Variants in SHC1 observed in about 807,000 individuals in gnomAD.
SHC1 encodes the protein SHC adaptor protein 1, also known as SHC-transforming protein 1.
In SHC1, 30 loss-of-function variants were observed where a neutral mutation model predicts 55.9. The ratio of observed to expected loss-of-function variants is 0.54; its 90% confidence interval spans 0.40 to 0.73. The LOEUF (loss-of-function observed/expected upper bound fraction) is 0.73. SHC1 is among the 30% of genes least tolerant of loss of function. The pLI is 0.00. For missense variants in SHC1, 675 were observed against 777.1 expected (o/e 0.87, Z 1.56); for synonymous variants, 309 against 306.1 (o/e 1.01, Z -0.10).
chr1:154,970,880 A>G (rs55692044), upstream of SHC1: 1,315 of 189,668 alleles, frequency 6.9e-3, 9 homozygotes, highest in Non-Finnish European at 0.011. This position sits in a 1 kb window ranked among gnomAD's most constrained non-coding sequence, Gnocchi z 5.5. Context: ...CCCCGCCCCA[A>G]CCTCGAACTG....
Position 154,962,736 on chromosome 1 carries a change from AATTG to A in SHC1, c.*1063_*1066del, listed in dbSNP as rs1655471483. 3 of 152,790 alleles carry A rather than the reference AATTG, an allele frequency of 2.0e-5. No homozygotes were observed. The South Asian group carries it at 6.2e-4, about 32-fold the overall frequency. The allele number at this position is 152,790 out of a possible 1,614,324, so 9.5% of individuals were successfully genotyped here. Reference sequence around the variant, plus strand: ...CAAAAAGGTGATGTATAAATGTAATAATTGATTATCATTTTGTGCTCAAGAATAA... The same window carrying A: ...CAAAAAGGTGATGTATAAATGTAATAATTATCATTTTGTGCTCAAGAATAA... On this transcript the variant is annotated 3_prime_UTR_variant, in exon 12 of 12. Coordinates refer to ENST00000448116, the MANE Select transcript of SHC1 (RefSeq NM_001130040.2).
Position 154,966,144 on chromosome 1 carries a change from T to C in SHC1, c.1252+18A>G. On this transcript the variant is annotated intron_variant, in intron 9 of 11. Coordinates refer to ENST00000448116, the MANE Select transcript of SHC1 (RefSeq NM_001130040.2). ...CTCCAACACTCCCCAGCTCTGCCTA[T>C]CTCGGCTCCCTTCATACCTGGACAG... 1 of 1,614,134 alleles carries C rather than the reference T, an allele frequency of 6.2e-7. No homozygotes were observed. The highest frequency in any genetic ancestry group is 8.5e-7 in the Non-Finnish European group (1 of 1,179,998).
At position 154,970,323 on chromosome 1, in the gene SHC1, C is replaced by T; in HGVS notation, c.204G>A (p.Leu68=). ...GCCCCCCAGCCGGGTTGGCCAGCCT[C>T]AGGTTGCTCATCCGGGGGAAGAAGG... ...LCSFFPRMSN[L]RLANPAGGRP... Residue 68 remains leucine (L), a synonymous_variant, in exon 1 of 12, where the codon CTG becomes CTA. Transcript: ENST00000448116. This position sits in a 1 kb window ranked among gnomAD's most constrained non-coding sequence, Gnocchi z 5.5. 1 of 1,605,956 alleles carries T rather than the reference C, an allele frequency of 6.2e-7. No individual in the cohort carries two copies. Among genetic ancestry groups the T allele is most frequent in the Non-Finnish European group, 8.5e-7 (1 of 1,175,668 alleles).
chr1:154,970,601 A>G lies in SHC1; in HGVS notation c.-75T>C. On this transcript the variant is annotated 5_prime_UTR_variant, in exon 1 of 12. Coordinates refer to ENST00000448116, the MANE Select transcript of SHC1 (RefSeq NM_001130040.2). This position sits in a 1 kb window ranked among gnomAD's most constrained non-coding sequence, Gnocchi z 5.5. Reference sequence around the variant, plus strand: ...TGGGCAAGGGGGCCAGGCAGGGGGTATCCCCAGGCCCTTAGCCTGGTTGGA... The same window carrying G: ...TGGGCAAGGGGGCCAGGCAGGGGGTGTCCCCAGGCCCTTAGCCTGGTTGGA... The G allele has an allele frequency of 1.0e-6, 1 of 1,002,152 alleles. No homozygotes were observed. The highest frequency in any genetic ancestry group is 1.5e-6 in the Non-Finnish European group (1 of 666,966). The allele number at this position is 1,002,152 out of a possible 1,614,324, so 62.1% of individuals were successfully genotyped here.
chr1:154,966,387 C>T lies in SHC1; in HGVS notation c.1114G>A (p.Ala372Thr). Residue 372 changes from alanine (A) to threonine (T), a missense_variant, in exon 8 of 12, where the codon GCC becomes ACC. Physicochemically the swap from Ala to Thr is moderately conservative, Grantham distance 58 (BLOSUM62 0). Coordinates refer to ENST00000448116, the MANE Select transcript of SHC1 (RefSeq NM_001130040.2). ...GTGGGTCGAGCAGCCCCTGGAGCGG[C>T]TCCTTCCCGAAGCCTCATGTCTACC... ...GVVDMRLREG[A>T]APGAARPTAP... The T allele has an allele frequency of 6.2e-7, 1 of 1,614,138 alleles. No individual in the cohort carries two copies. Among genetic ancestry groups the T allele is most frequent in the Non-Finnish European group, 8.5e-7 (1 of 1,179,988 alleles).
At chr1:154,969,481 C>T (rs1438113811) in intron 1 of SHC1, 33 bp from the exon 2 acceptor site, 15 of 1,464,098 alleles carry the variant, frequency 1.0e-5, no homozygotes, top group Non-Finnish European at 1.4e-5. Flanking sequence ...AGCAGGTCAG[C>T]GGCTCCCCCA....
chr1:154,969,348 A>T, intron 2 of SHC1, 30 bp downstream of exon 2: 3 of 1,517,838 alleles, frequency 2.0e-6, no homozygotes, highest in Non-Finnish European at 2.7e-6. Flanking sequence ...TAATCCCAGG[A>T]CTCCCACAAT....
chr1:154,971,631 T>C (rs1656758562), upstream of SHC1, among the ~76,000 whole-genome samples: 1 of 152,084 alleles, frequency 6.6e-6, no homozygotes, highest in Admixed American at 6.5e-5. Context: ...TCCCTCCTCT[T>C]ACAGGGCCCT....
chr1:154,967,449 A>G (rs1656146299), intron 7 of SHC1, among the ~76,000 whole-genome samples: 2 of 152,210 alleles, frequency 1.3e-5, no homozygotes, highest in Admixed American at 6.5e-5. Flanking sequence ...GCCCCGGACT[A>G]CAACTCCACC....
In SHC1 at chr1:154,962,711, C is replaced by A. The variant is rs1163087422; in HGVS notation, c.*1092G>T. The A allele has an allele frequency of 1.3e-5, 2 of 152,508 alleles. No homozygotes were observed. The highest frequency in any genetic ancestry group is 1.3e-4 in the Admixed American group (2 of 15,280). 9.4% of individuals were successfully genotyped at this position (152,508 alleles called of 1,614,324 possible). A position where few individuals can be genotyped will look rare whatever the true frequency, so the allele number is the denominator to read the frequency against. ...GAGCTGTAAAAGGGCTTGGAAAAGTCAAAAAGGTGATGTATAAATGTAATA... is the reference window on the plus strand; with the variant it reads ...GAGCTGTAAAAGGGCTTGGAAAAGTAAAAAAGGTGATGTATAAATGTAATA... On this transcript the variant is annotated 3_prime_UTR_variant, in exon 12 of 12. Transcript: ENST00000448116.
At chr1:154,971,111 TG>T (rs1242221278), upstream of SHC1, among the ~76,000 whole-genome samples, 1 of 151,988 alleles carries the variant, frequency 6.6e-6, no homozygotes, top group Non-Finnish European at 1.5e-5. Flanking sequence ...CAGAGGCAGC[TG>T]GGGGTGGAAA....
At chr1:154,971,881 C>T (rs1476058968), upstream of SHC1, among the ~76,000 whole-genome samples, 3 of 151,734 alleles carry the variant, frequency 2.0e-5, no homozygotes, top group South Asian at 2.1e-4. Context: ...CTGCCACCCA[C>T]GGCTTCCTGC....
In SHC1 at chr1:154,970,214, G is replaced by A. The variant is rs776549973; in HGVS notation, c.313C>T (p.Leu105=). 6.2e-7 allele frequency: 1 copy of A among 1,613,690 alleles called. No individual in the cohort carries two copies. Among genetic ancestry groups the A allele is most frequent in the Non-Finnish European group, 8.5e-7 (1 of 1,179,858 alleles). Residue 105 remains leucine, a synonymous_variant, in exon 1 of 12, where the codon CTA becomes TTA. Coordinates refer to ENST00000448116, the MANE Select transcript of SHC1 (RefSeq NM_001130040.2). The surrounding 1 kb of genome is among the most constrained non-coding windows in gnomAD (Gnocchi z 5.5). ...TTGTTCATGTCCTGGAGGAGGGGTA[G>A]GGGGCCTGAGTCTGGCATGGCTGCC... ...VGAAMPDSGP[L]PLLQDMNKLS... is the part of the protein sequence containing the mutation.
Position 154,962,301 on chromosome 1 carries a change from A to T in SHC1, c.*1502T>A, listed in dbSNP as rs2102001763. The stretch of plus-strand genomic sequence containing the variant: ...CAGAAGGGTTAAGAGGCAGAGGTAG[A>T]AGAAATACGGACTTTAATGAAGAGT... On this transcript the variant is annotated 3_prime_UTR_variant, in exon 12 of 12. Transcript: ENST00000448116. 6.5e-6 allele frequency: 1 copy of T among 152,932 alleles called. No individual in the cohort carries two copies. The highest frequency in any genetic ancestry group is 1.9e-4 in the East Asian group (1 of 5,316). The allele number at this position is 152,932 out of a possible 1,614,324, so 9.5% of individuals were successfully genotyped here.
chr1:154,964,205 A>G, intron 11 of SHC1: 1 of 549,334 alleles, frequency 1.8e-6, no homozygotes, highest in Non-Finnish European at 3.6e-6. Flanking sequence ...GACCTGGAGG[A>G]AGTTGGCATG....
At position 154,970,420 on chromosome 1, in the gene SHC1, GA is replaced by G; in HGVS notation, c.106del (p.Ser36ProfsTer30). The G allele has an allele frequency of 6.2e-7, 1 of 1,606,870 alleles. No individual in the cohort carries two copies. Among genetic ancestry groups the G allele is most frequent in the Admixed American group, 1.7e-5 (1 of 58,942 alleles). ...GGGCCCCAGGGATGAAGCTGATGGG[GA>G]AGGCAGCTCCTCCGGGGGGGTGGAC... Reference protein sequence around the residue: ...SGSTPPEELPSPSASSLGPIL... With the variant: ...SGSTPPEELPXPSASSLGPIL... On this transcript the variant is annotated frameshift_variant, in exon 1 of 12. Transcript: ENST00000448116. LOFTEE classifies it high-confidence loss of function. This position sits in a 1 kb window ranked among gnomAD's most constrained non-coding sequence, Gnocchi z 5.5.
In SHC1 at chr1:154,966,493, T is replaced by C. The variant is rs1427502264; in HGVS notation, c.1008A>G (p.Ala336=). The C allele has an allele frequency of 1.2e-6, 2 of 1,602,652 alleles. No homozygotes were observed. The highest frequency in any genetic ancestry group is 1.7e-6 in the Non-Finnish European group (2 of 1,173,444). Residue 336 remains alanine (A), a synonymous_variant, in exon 8 of 12, where the codon GCA becomes GCG. Transcript: ENST00000448116. Reference sequence around the variant, plus strand: ...GTGGCTCTTCCTCCTCCTCATCCCATGCTGAGCCATCAAAGCCAGCCATCC... The same window carrying C: ...GTGGCTCTTCCTCCTCCTCATCCCACGCTGAGCCATCAAAGCCAGCCATCC... ...HDRMAGFDGS[A]WDEEEEEPPD...
Position 154,965,987 on chromosome 1 carries a change from G to C in SHC1, c.1346C>G (p.Pro449Arg). 6.2e-7 allele frequency: 1 copy of C among 1,614,002 alleles called. No homozygotes were observed. Among genetic ancestry groups the C allele is most frequent in the South Asian group, 1.1e-5 (1 of 91,062 alleles). The part of the protein sequence containing the change: ...QAVGGAGPPN[P>R]AINGSAPRDL... ...CCGGGGTGCACTGCCATTGATAGCA[G>C]GATTGGGGGGCCCAGCACCACCCAC... Residue 449 changes from proline (P) to arginine (R), a missense_variant, in exon 10 of 12, where the codon CCT becomes CGT. By Grantham distance (103) the Pro-to-Arg change is moderately radical (BLOSUM62 -2). Coordinates refer to ENST00000448116, the MANE Select transcript of SHC1 (RefSeq NM_001130040.2).
chr1:154,963,716 A>G lies in SHC1; in HGVS notation c.*87T>C. On this transcript the variant is annotated 3_prime_UTR_variant, in exon 12 of 12. Coordinates refer to ENST00000448116, the MANE Select transcript of SHC1 (RefSeq NM_001130040.2). Reference sequence around the variant, plus strand: ...AGCTCTGACACAAGGCCAAGCCCACAGAACACTCCCAAACGAGGTCCCGAG... The same window carrying G: ...AGCTCTGACACAAGGCCAAGCCCACGGAACACTCCCAAACGAGGTCCCGAG... 6.8e-7 allele frequency: 1 copy of G among 1,471,612 alleles called. No individual in the cohort carries two copies. The allele number at this position is 1,471,612 out of a possible 1,614,324, so 91.2% of individuals were successfully genotyped here.
Sources: allele counts gnomAD v4.1 joint callset (sites outside exome capture counted in the v4.1 genomes callset), GRCh38; gene constraint gnomAD v4.1.1; non-coding constraint Gnocchi (gnomAD v3.1); transcripts MANE v1.5; gene names NCBI Gene and HGNC (gene_info 2026-07-23, HGNC 2026-07-21).